SH2D4B: variants seen among roughly 807,000 people sequenced by gnomAD.
SH2D4B encodes SH2 domain-containing protein 4B.
In SH2D4B, 45 loss-of-function variants were observed where a neutral mutation model predicts 61.5. That is an observed-to-expected ratio of 0.73 (90% CI 0.58 to 0.94). The LOEUF (loss-of-function observed/expected upper bound fraction) is 0.94, where lower values mean the gene tolerates loss of function less well. Ranked by LOEUF, SH2D4B falls within the 40% of genes least tolerant of loss-of-function variation. The probability of loss-of-function intolerance (pLI) is 0.00; values close to 1 mark genes in which losing one functional copy is unlikely to be tolerated. For synonymous variants in SH2D4B, 224 were observed against 220.4 expected (o/e 1.02, Z -0.14); for missense variants, 572 against 574.2 (o/e 1.00, Z 0.04).
At chr10:80,576,682 A>G (rs1842129569) in intron 3 of SH2D4B, among the ~76,000 whole-genome samples, 2 of 152,242 alleles carry the variant, frequency 1.3e-5, no homozygotes. Context: ...TTTGAGAGGT[A>G]GGATCTATTC....
At chr10:80,576,929 A>T (rs191006171) in intron 3 of SH2D4B, among the ~76,000 whole-genome samples, 63 of 152,222 alleles carry the variant, frequency 4.1e-4, no homozygotes, top group African/African-American at 1.4e-3. Context: ...CACCACACCC[A>T]GCAATTTTTT....
At chr10:80,571,776 C>CT (rs11394733) in intron 3 of SH2D4B, among the ~76,000 whole-genome samples, 198 bp downstream of exon 3, 5,013 of 135,540 alleles carry the variant, frequency 0.037, 83 homozygotes, top group Middle Eastern at 0.067. Flanking sequence ...TTTTTTTTTT[C>CT]TTTTTTTTTT....
At chr10:80,601,045 C>T (rs12359987) in intron 4 of SH2D4B, among the ~76,000 whole-genome samples, 17,712 of 152,106 alleles carry the variant, frequency 0.12, 1,210 homozygotes, top group East Asian at 0.25. Context: ...TTTTAGAAGC[C>T]GCAACATACG....
intron 1 of SH2D4B, among the ~76,000 whole-genome samples, chr10:80,540,481 G>A (rs1476749785): frequency 6.6e-6 from 1 of 152,146 alleles, no homozygotes; most frequent in Non-Finnish European, 1.5e-5. Context: ...CTGCGGGGTG[G>A]CAGGGCAAGC....
intron 6 of SH2D4B, among the ~76,000 whole-genome samples, chr10:80,620,215 C>T (rs1393391748): frequency 6.6e-6 from 1 of 152,192 alleles, no homozygotes; most frequent in African/African-American, 2.4e-5. Flanking sequence ...GTGATTGGAT[C>T]ATGGGGGGCG....
At chr10:80,543,566 T>A (rs1471145078) in intron 1 of SH2D4B, among the ~76,000 whole-genome samples, 2 of 152,294 alleles carry the variant, frequency 1.3e-5, no homozygotes, top group East Asian at 3.9e-4. Flanking sequence ...CGGCGCCCAG[T>A]CTCATCTACC....
rs771226430 is a variant in SH2D4B, at chr10:80,540,952, T to C, written c.184+2437T>C. 1.0e-5 allele frequency: 15 copies of C among 1,481,454 alleles called. No homozygotes were observed. In the Middle Eastern group the frequency reaches 6.8e-4, roughly 68 times the overall value. 91.8% of individuals were successfully genotyped at this position (1,481,454 alleles called of 1,614,324 possible). On this transcript the variant is annotated intron_variant, in intron 1 of 7. Coordinates refer to ENST00000646907, the MANE Select transcript of SH2D4B (RefSeq NM_001388272.1). Reference sequence around the variant, plus strand: ...GATGCTGGTGAGACCCCAGCCCCAGTTGATGTCCAGGCTCTTGAAACTGTC... The same window carrying C: ...GATGCTGGTGAGACCCCAGCCCCAGCTGATGTCCAGGCTCTTGAAACTGTC...
intron 4 of SH2D4B, among the ~76,000 whole-genome samples, chr10:80,593,608 A>G (rs1369762474): frequency 6.6e-6 from 1 of 152,090 alleles, no homozygotes; most frequent in Non-Finnish European, 1.5e-5. Context: ...TGTATTCCTT[A>G]TGATTTTCTA....
At chr10:80,624,383 GCTCTTTCCTT>G (rs761245271) in intron 6 of SH2D4B, among the ~76,000 whole-genome samples, 8 of 152,138 alleles carry the variant, frequency 5.3e-5, no homozygotes, top group Non-Finnish European at 8.8e-5. Context: ...CCTAGAAAAC[GCTCTTTCCTT>G]CTCTTTCCTG....
intron 7 of SH2D4B, among the ~76,000 whole-genome samples, chr10:80,636,412 C>A (rs1210316840): frequency 6.6e-6 from 1 of 152,188 alleles, no homozygotes; most frequent in Non-Finnish European, 1.5e-5. Context: ...ACAGTCCCAC[C>A]AACAGTGTAA....
intron 5 of SH2D4B, among the ~76,000 whole-genome samples, chr10:80,608,970 A>G (rs1842556337): frequency 6.6e-6 from 1 of 152,118 alleles, no homozygotes; most frequent in Non-Finnish European, 1.5e-5. Context: ...TCTGAGAGAG[A>G]GAAGGGGATG....
intron 3 of SH2D4B, among the ~76,000 whole-genome samples, chr10:80,573,680 A>G (rs1589340727): frequency 2.6e-5 from 4 of 152,214 alleles, no homozygotes; most frequent in Non-Finnish European, 5.9e-5. Flanking sequence ...TCTTTGATTT[A>G]TTATTCCTGA....
At chr10:80,597,811 G>T (rs1842401890) in intron 4 of SH2D4B, among the ~76,000 whole-genome samples, 1 of 152,212 alleles carries the variant, frequency 6.6e-6, no homozygotes, top group Non-Finnish European at 1.5e-5. Flanking sequence ...GTGGGACAGG[G>T]TGTCATAGCA....
At chr10:80,542,199 A>G (rs1187919986) in intron 1 of SH2D4B, among the ~76,000 whole-genome samples, 1 of 151,832 alleles carries the variant, frequency 6.6e-6, no homozygotes, top group East Asian at 1.9e-4. Context: ...TTCTCTCCTC[A>G]TTCTCCTTGG....
chr10:80,627,974 C>A (rs1239002467), intron 6 of SH2D4B, among the ~76,000 whole-genome samples: 1 of 152,168 alleles, frequency 6.6e-6, no homozygotes, highest in African/African-American at 2.4e-5. Context: ...CATCCCTTAG[C>A]CAGGCCCAGT....
intron 4 of SH2D4B, among the ~76,000 whole-genome samples, chr10:80,592,369 A>G (rs1053479459): frequency 2.6e-5 from 4 of 152,184 alleles, no homozygotes. Context: ...AGCACAAAAA[A>G]TTTTAATTTT....
rs577179576 is a variant in SH2D4B at position 80,546,046 on chromosome 10, CT to C, written c.184+7548del. On this transcript the variant is annotated intron_variant, in intron 1 of 7. Coordinates refer to ENST00000646907, the MANE Select transcript of SH2D4B (RefSeq NM_001388272.1). ...TCTCTTTCTTTCTTTCTCTCTCTTT[CT>C]TTTTTTTTTTTTTTTTAGACAAGGT... is the stretch of plus-strand genomic sequence containing the variant. Among the ~76,000 whole-genome samples the C allele has an allele frequency of 3.3e-3, 434 of 130,368 alleles. 1 individual carries two copies. The highest frequency in any genetic ancestry group is 4.7e-3 in the South Asian group (19 of 4,084). 85.5% of individuals were successfully genotyped at this position (130,368 alleles called of 152,430 possible).
rs556452425 is a variant in SH2D4B, at chr10:80,586,306, G to A, written c.496-2324G>A. Among the ~76,000 whole-genome samples the A allele has an allele frequency of 1.1e-4, 16 of 152,332 alleles. No individual in the cohort carries two copies. In the East Asian group the frequency reaches 2.3e-3, roughly 22 times the overall value. On this transcript the variant is annotated intron_variant, in intron 3 of 7. Transcript: ENST00000646907. ...GCATCTCCACCTGCGGCCCTGGTGC[G>A]CGATCCACTGGGTGAAGCCAGCTGG...
intron 6 of SH2D4B, among the ~76,000 whole-genome samples, chr10:80,623,247 A>G (rs957747337): frequency 1.3e-5 from 2 of 152,238 alleles, no homozygotes; most frequent in African/African-American, 4.8e-5. Flanking sequence ...ACAGAAATTT[A>G]TTGCCTTACA....
Sources: gnomAD v4.1 joint callset for allele counts (sites outside exome capture counted in the v4.1 genomes callset) on GRCh38, gnomAD v4.1.1 for gene constraint, MANE v1.5 for transcripts, NCBI Gene and HGNC (gene_info 2026-07-23, HGNC 2026-07-21) for gene names.